SGCD: variants seen among roughly 807,000 people sequenced by gnomAD.
SGCD encodes the protein delta-sarcoglycan.
Under a neutral mutation model 36.6 loss-of-function variants are expected in SGCD, and 18 were observed. That is an observed-to-expected ratio of 0.49 (90% CI 0.34 to 0.73). The LOEUF is 0.73. Ranked by LOEUF, SGCD falls within the 30% of genes least tolerant of loss-of-function variation. SGCD has a pLI of 0.01. For missense variants in SGCD, 387 were observed against 346.7 expected (o/e 1.12, Z -0.92); for synonymous variants, 133 against 130.6 (o/e 1.02, Z -0.12).
At chr5:156,342,710 C>T (rs544405408) in intron 2 of SGCD, among the ~76,000 whole-genome samples, 2 of 152,308 alleles carry the variant, frequency 1.3e-5, no homozygotes, top group South Asian at 4.1e-4. Flanking sequence ...AATCTCACTG[C>T]CTGGCTGGGA....
At chr5:155,761,398 C>CATCACCCTCTCCATCATCCTCTCT in the SGCD span, among the ~76,000 whole-genome samples, 3 of 149,038 alleles carry the variant, frequency 2.0e-5, no homozygotes, top group Non-Finnish European at 3.0e-5. Context: ...TCATCATCTC[C>CATCACCCTCTCCATCATCCTCTCT]ATCACCCTCT....
intron 1 of SGCD, among the ~76,000 whole-genome samples, chr5:155,892,199 T>G (rs1031734571): frequency 2.0e-5 from 3 of 152,122 alleles, no homozygotes; most frequent in African/African-American, 7.2e-5. Context: ...GGCTCACGCC[T>G]GTAGTCCCAG....
chr5:155,791,975 G>T, the SGCD span, among the ~76,000 whole-genome samples: 181 of 152,126 alleles, frequency 1.2e-3, no homozygotes, highest in Middle Eastern at 0.01. Flanking sequence ...TAAGAATAAG[G>T]TCAGAAATAT....
intron 3 of SGCD, among the ~76,000 whole-genome samples, chr5:156,407,106 A>T (rs1001290685): frequency 2.0e-5 from 3 of 152,136 alleles, no homozygotes; most frequent in African/African-American, 7.2e-5. Flanking sequence ...CCACCAGATT[A>T]AGGGTGGGTC....
chr5:156,740,143 G>A (rs1016245955), intron 7 of SGCD, among the ~76,000 whole-genome samples: 7 of 152,196 alleles, frequency 4.6e-5, no homozygotes, highest in African/African-American at 1.7e-4. Flanking sequence ...ATTGGACCAT[G>A]GAGTTGAACA....
chr5:156,559,548 A>G (rs1314373457), intron 4 of SGCD, among the ~76,000 whole-genome samples: 1 of 152,190 alleles, frequency 6.6e-6, no homozygotes, highest in Non-Finnish European at 1.5e-5. Flanking sequence ...AAAAACACAA[A>G]CTAGAGAACA....
chr5:155,831,439 C>T, the SGCD span, among the ~76,000 whole-genome samples: 336 of 152,234 alleles, frequency 2.2e-3, 1 homozygote, highest in Non-Finnish European at 4.1e-3. Flanking sequence ...TAGTGGGAAA[C>T]GTAGAAATAA....
At chr5:155,844,143 C>T in the SGCD span, among the ~76,000 whole-genome samples, 1 of 152,020 alleles carries the variant, frequency 6.6e-6, no homozygotes, top group African/African-American at 2.4e-5. Context: ...TTGTGAAGGC[C>T]TCACACTTAT....
At chr5:156,486,029 G>A (rs1176784694) in intron 3 of SGCD, among the ~76,000 whole-genome samples, 1 of 152,084 alleles carries the variant, frequency 6.6e-6, no homozygotes, top group Non-Finnish European at 1.5e-5. Flanking sequence ...CAGAGAGGGA[G>A]TCCACACTAG....
intron 2 of SGCD, among the ~76,000 whole-genome samples, chr5:156,338,511 G>A (rs1265852504): frequency 6.6e-6 from 1 of 152,188 alleles, no homozygotes; most frequent in Non-Finnish European, 1.5e-5. Flanking sequence ...AGGAAAGTCA[G>A]CATGGTATAA....
intron 3 of SGCD, among the ~76,000 whole-genome samples, chr5:156,450,556 A>AAAAG (rs1554104450): frequency 4.8e-4 from 72 of 151,340 alleles, no homozygotes; most frequent in African/African-American, 1.6e-3. Flanking sequence ...AAAAGAAAAG[A>AAAAG]AAAAAAAGTT....
At chr5:156,441,251 G>C (rs1359220207) in intron 3 of SGCD, among the ~76,000 whole-genome samples, 1 of 152,084 alleles carries the variant, frequency 6.6e-6, no homozygotes, top group African/African-American at 2.4e-5. Context: ...GTAATACATT[G>C]GTCATAGACA....
intron 3 of SGCD, among the ~76,000 whole-genome samples, chr5:156,268,376 G>C (rs1240885403): frequency 6.6e-6 from 1 of 152,114 alleles, no homozygotes; most frequent in Non-Finnish European, 1.5e-5. Flanking sequence ...GTTTTTAGCT[G>C]TTTGAGCCAT....
chr5:156,688,125 C>T (rs776391074), intron 7 of SGCD, among the ~76,000 whole-genome samples: 5 of 152,010 alleles, frequency 3.3e-5, no homozygotes, highest in Admixed American at 6.6e-5. Context: ...AAACTCGTGT[C>T]GCGGGGGTTT....
the SGCD span, among the ~76,000 whole-genome samples, chr5:155,827,364 C>A: frequency 7.2e-5 from 11 of 152,146 alleles, no homozygotes; most frequent in African/African-American, 2.7e-4. Flanking sequence ...ATCAGTGACC[C>A]AGGTTTCTTG....
chr5:156,229,273 C>CATATATATATATATATATATAT (rs1383896091), intron 3 of SGCD, among the ~76,000 whole-genome samples: 94 of 8,538 alleles, frequency 0.011, 4 homozygotes, highest in African/African-American at 0.019. Flanking sequence ...TATATATATA[C>CATATATATATATATATATATAT]ATACATATAT....
intron 3 of SGCD, among the ~76,000 whole-genome samples, chr5:156,159,454 A>G (rs1428852522): frequency 6.6e-6 from 1 of 151,616 alleles, no homozygotes; most frequent in Non-Finnish European, 1.5e-5. Context: ...GATACATATT[A>G]TCTTTCTCTG....
At chr5:156,052,757 G>C in intron 1 of SGCD, among the ~76,000 whole-genome samples, 1 of 146,098 alleles carries the variant, frequency 6.8e-6, no homozygotes, top group Non-Finnish European at 1.5e-5. Flanking sequence ...AAAACTGTTT[G>C]CTTTCTTCCA....
upstream of SGCD, among the ~76,000 whole-genome samples, chr5:155,866,315 C>T (rs573829412): frequency 1.8e-4 from 28 of 152,256 alleles, no homozygotes; most frequent in Middle Eastern, 3.4e-3. Context: ...GTGCCACTGC[C>T]TGGATTCAGG....
Sources: gnomAD v4.1 joint callset for allele counts (sites outside exome capture counted in the v4.1 genomes callset) on GRCh38, gnomAD v4.1.1 for gene constraint, MANE v1.5 for transcripts, NCBI Gene and HGNC (gene_info 2026-07-23, HGNC 2026-07-21) for gene names.